The following UBR2 variants were observed in gnomAD, a reference collection of about 807,000 sequenced individuals.
UBR2 encodes the protein E3 ubiquitin-protein ligase UBR2.
Under a neutral mutation model 247.9 loss-of-function variants are expected in UBR2, and 92 were observed. The observed-to-expected ratio is 0.37, with a 90% CI of 0.31 to 0.44. The LOEUF is 0.44. Among genes scored for constraint, UBR2 ranks in the 20% least tolerant of loss-of-function variants. UBR2 has a pLI of 1.00. For missense variants in UBR2, 1,613 were observed against 2,112.6 expected (o/e 0.76, Z 4.64); for synonymous variants, 672 against 693.5 (o/e 0.97, Z 0.49).
intron 29 of UBR2, 104 bp downstream of exon 29, chr6:42,658,928 T>A: frequency 8.1e-7 from 1 of 1,235,466 alleles, no homozygotes; most frequent in East Asian, 2.8e-5. Context: ...CTAAAGTAAT[T>A]TAGTAGAATT....
At chr6:42,668,922 CTTTTTT>C (rs147433511) in intron 34 of UBR2, among the ~76,000 whole-genome samples, 1 of 148,198 alleles carries the variant, frequency 6.7e-6, no homozygotes, top group Non-Finnish European at 1.5e-5. Flanking sequence ...TCTATTACTA[CTTTTTT>C]TTTTTCTTTT....
chr6:42,685,006 G>GA, intron 44 of UBR2, 135 bp downstream of exon 44: 1 of 655,150 alleles, frequency 1.5e-6, no homozygotes, highest in Non-Finnish European at 2.4e-6. Context: ...AGGAGAGGGA[G>GA]AAAAAAGGAA....
intron 8 of UBR2, among the ~76,000 whole-genome samples, 199 bp from the exon 9 acceptor site, chr6:42,614,872 G>C (rs35514877): frequency 0.01 from 1,563 of 152,272 alleles, 18 homozygotes; most frequent in Non-Finnish European, 0.017. Flanking sequence ...AGGAGTAATG[G>C]TGTGTGATGT....
chr6:42,684,358 C>T (rs1799234239), intron 43 of UBR2, among the ~76,000 whole-genome samples: 1 of 151,666 alleles, frequency 6.6e-6, no homozygotes, highest in African/African-American at 2.4e-5. Context: ...GGGCAGATCA[C>T]GAGGTCAGGA....
In UBR2 at chr6:42,642,396, A is replaced by T. The variant is rs1796500475; in HGVS notation, c.2032-20A>T. The T allele has an allele frequency of 6.5e-7, 1 of 1,540,584 alleles. No homozygotes were observed. Among genetic ancestry groups the T allele is most frequent in the Non-Finnish European group, 8.9e-7 (1 of 1,125,980 alleles). ...AGCCAATAAAAACTATTTACTCAAT[A>T]TAATTACTTTTTTTTTTAGATTTAT... is the stretch of plus-strand genomic sequence containing the variant. On this transcript the variant is annotated intron_variant, in intron 17 of 46. Coordinates refer to ENST00000372901, the MANE Select transcript of UBR2 (RefSeq NM_001363705.2).
At chr6:42,671,082 G>A (rs1388568298) in intron 36 of UBR2, among the ~76,000 whole-genome samples, 1 of 151,796 alleles carries the variant, frequency 6.6e-6, no homozygotes, top group Non-Finnish European at 1.5e-5. Flanking sequence ...CTACTCAGGA[G>A]GCAGAGGCAA....
At chr6:42,655,230 C>A (rs1387470318) in intron 25 of UBR2, among the ~76,000 whole-genome samples, 2 of 152,122 alleles carry the variant, frequency 1.3e-5, no homozygotes, top group African/African-American at 4.8e-5. Flanking sequence ...TTAATCCCAG[C>A]ACTTTGGGAG....
In UBR2 at chr6:42,648,820, AT is replaced by A. The variant is rs1796933323; in HGVS notation, c.2462+658del. 2.0e-5 allele frequency among the ~76,000 whole-genome samples: 3 copies of A among 151,944 alleles called. No homozygotes were observed. In the South Asian group the frequency reaches 6.2e-4, roughly 32 times the overall value. On this transcript the variant is annotated intron_variant, in intron 22 of 46. Transcript: ENST00000372901. ...TATGTTTAGATGTATATCTTTCTAAATTTTTTTTCTATACTTGGAACACATA... is the reference window on the plus strand; with the variant it reads ...TATGTTTAGATGTATATCTTTCTAAATTTTTTTCTATACTTGGAACACATA...
chr6:42,622,548 C>T (rs775077581), intron 11 of UBR2, among the ~76,000 whole-genome samples: 24 of 150,568 alleles, frequency 1.6e-4, no homozygotes, highest in Non-Finnish European at 2.5e-4. Context: ...ATTACAGGTG[C>T]GTGCCACCAC....
At chr6:42,630,106 TAGTAGCAGTAGTAGTAGTAGC>T (rs1562330695) in intron 11 of UBR2, among the ~76,000 whole-genome samples, 2 of 151,124 alleles carry the variant, frequency 1.3e-5, no homozygotes, top group African/African-American at 4.9e-5. Flanking sequence ...ATCGTAGTAG[TAGTAGCAGTAGTAGTAGTAGC>T]AGTAGCAGTA....
At chr6:42,632,958 CT>C (rs34284200) in intron 13 of UBR2, 54 bp downstream of exon 13, 57,569 of 632,646 alleles carry the variant, frequency 0.091, 61 homozygotes, top group Middle Eastern at 0.11. Flanking sequence ...TCTCTTTTCT[CT>C]TTTTTTTTTT....
Position 42,594,706 on chromosome 6 carries a change from A to G in UBR2, c.531+402A>G, listed in dbSNP as rs1409922284. Among the ~76,000 whole-genome samples the G allele has an allele frequency of 2.0e-5, 3 of 152,280 alleles. 1 individual carries two copies. The highest frequency in any genetic ancestry group is 6.8e-3 in the Middle Eastern group (2 of 294). On this transcript the variant is annotated intron_variant, in intron 4 of 46. Coordinates refer to ENST00000372901, the MANE Select transcript of UBR2 (RefSeq NM_001363705.2). ...TTACCATACATGACAGCCAATCCCAATCATCATCTCCTGGTTTCCATTATC... is the reference window on the plus strand; with the variant it reads ...TTACCATACATGACAGCCAATCCCAGTCATCATCTCCTGGTTTCCATTATC...
chr6:42,659,698 A>T lies in UBR2; in HGVS notation c.3285A>T (p.Ala1095=). 6.2e-7 allele frequency: 1 copy of T among 1,614,092 alleles called. No individual in the cohort carries two copies. The highest frequency in any genetic ancestry group is 1.1e-5 in the South Asian group (1 of 91,078). The stretch of plus-strand genomic sequence containing the variant: ...TGACACTTACAGCACTGGGCCCCGC[A>T]CAAACTCAGGTTCCTGAACAAAGAC... ...SDMTLTALGP[A]QTQVPEQRQF... is the part of the protein sequence containing the mutation. Residue 1095 remains alanine (A), a synonymous_variant, in exon 30 of 47, where the codon GCA becomes GCT. Transcript: ENST00000372901. The surrounding 1 kb of genome is among the most constrained non-coding windows in gnomAD (Gnocchi z 4.3).
intron 4 of UBR2, among the ~76,000 whole-genome samples, chr6:42,602,223 CAG>C (rs1318098952): frequency 2.0e-5 from 3 of 149,092 alleles, no homozygotes; most frequent in Middle Eastern, 3.5e-3. Flanking sequence ...CTTTTTGAGA[CAG>C]AGTCTCGCTC....
rs1158916441 is a variant in UBR2 at position 42,658,791 on chromosome 6, T to C, written c.3209T>C (p.Leu1070Pro). The C allele has an allele frequency of 1.2e-6, 2 of 1,603,058 alleles. No individual in the cohort carries two copies. The highest frequency in any genetic ancestry group is 2.2e-5 in the South Asian group (2 of 89,550). ...NKELFQQTLELDASTSAVLDH... is the reference protein window; with the variant it reads ...NKELFQQTLEPDASTSAVLDH... ...GAACTCTTTCAGCAGACATTAGAAC[T>C]GGATGCCTCAACCTCTGCTGTTCTT... The change falls in exon 29 of 47, where the codon CTG becomes CCG. Residue 1070 changes from leucine to proline, a missense_variant. Coordinates refer to ENST00000372901, the MANE Select transcript of UBR2 (RefSeq NM_001363705.2).
intron 4 of UBR2, among the ~76,000 whole-genome samples, chr6:42,602,607 T>TTG (rs145962701): frequency 0.07 from 10,432 of 149,722 alleles, 467 homozygotes; most frequent in Admixed American, 0.15. Flanking sequence ...ATATGTGTTT[T>TTG]TGTGTGTGTG....
chr6:42,679,744 G>T lies in UBR2; in HGVS notation c.4630G>T (p.Glu1544Ter). 6.2e-7 allele frequency: 1 copy of T among 1,612,892 alleles called. No individual in the cohort carries two copies. Among genetic ancestry groups the T allele is most frequent in the South Asian group, 1.1e-5 (1 of 90,754 alleles). The change falls in exon 42 of 47, where the codon GAA becomes TAA. Residue 1544 changes from glutamate (E) to a stop codon, truncating the protein, a stop_gained. Coordinates refer to ENST00000372901, the MANE Select transcript of UBR2 (RefSeq NM_001363705.2). LOFTEE classifies it high-confidence loss of function. Reference sequence around the variant, plus strand: ...TGCAGTTCCTGGAACAAGCCATTTTGAACATTTATGTAGCTATCTTTCCCT... The same window carrying T: ...TGCAGTTCCTGGAACAAGCCATTTTTAACATTTATGTAGCTATCTTTCCCT... The part of the protein sequence containing the change: ...DIQVPGTSHF[E>*]HLCSYLSLPN...
intron 11 of UBR2, among the ~76,000 whole-genome samples, chr6:42,630,603 G>T (rs1795655102): frequency 6.6e-6 from 1 of 152,028 alleles, no homozygotes; most frequent in African/African-American, 2.4e-5. Flanking sequence ...CCTTGGTTTG[G>T]TGGGGGTTTA....
chr6:42,677,592 A>G (rs1798787787), intron 40 of UBR2, among the ~76,000 whole-genome samples: 1 of 152,170 alleles, frequency 6.6e-6, no homozygotes, highest in African/African-American at 2.4e-5. Context: ...AGCCTGGCCA[A>G]CATGGTGAAA....
Sources: gnomAD v4.1 joint callset for allele counts (sites outside exome capture counted in the v4.1 genomes callset) on GRCh38, gnomAD v4.1.1 for gene constraint, Gnocchi (gnomAD v3.1) non-coding constraint, MANE v1.5 for transcripts, NCBI Gene and HGNC (gene_info 2026-07-23, HGNC 2026-07-21) for gene names.